The following NCOA7 variants were observed in gnomAD, a reference collection of about 807,000 sequenced individuals.
NCOA7 encodes the protein 140 kDa estrogen receptor-associated protein.
A neutral mutation model predicts 104.3 loss-of-function variants in NCOA7; 45 were observed. The ratio of observed to expected loss-of-function variants is 0.43; its 90% CI spans 0.34 to 0.55. The LOEUF is 0.55. Ranked by LOEUF, NCOA7 falls within the 20% of genes least tolerant of loss-of-function variation. NCOA7 has a pLI of 0.02. For synonymous variants in NCOA7, 398 were observed against 402.3 expected (o/e 0.99, Z 0.13); for missense variants, 1,041 against 1,119.7 (o/e 0.93, Z 1.00).
At chr6:125,840,968 C>T (rs1473072242) in intron 2 of NCOA7, among the ~76,000 whole-genome samples, 5 of 129,166 alleles carry the variant, frequency 3.9e-5, no homozygotes, top group African/African-American at 1.5e-4. Flanking sequence ...ACTTGGCTCA[C>T]TGCAACCTCT....
At chr6:125,793,588 A>T (rs2128544891) in intron 1 of NCOA7, among the ~76,000 whole-genome samples, 1 of 152,288 alleles carries the variant, frequency 6.6e-6, no homozygotes, top group African/African-American at 2.4e-5. Context: ...AAGCACCACC[A>T]GAATGCAATC....
chr6:125,787,212 G>A (rs928354677), upstream of NCOA7, among the ~76,000 whole-genome samples: 1 of 151,898 alleles, frequency 6.6e-6, no homozygotes, highest in East Asian at 1.9e-4. Flanking sequence ...CAATGTTACA[G>A]CAATATTTGC....
intron 2 of NCOA7, among the ~76,000 whole-genome samples, chr6:125,850,982 G>C (rs1781074064): frequency 6.6e-6 from 1 of 152,148 alleles, no homozygotes; most frequent in Admixed American, 6.5e-5. Context: ...TCTGAATTTT[G>C]CTAGAGCAAC....
intron 10 of NCOA7, among the ~76,000 whole-genome samples, chr6:125,893,409 AT>A (rs1784766792): frequency 6.6e-6 from 1 of 152,220 alleles, no homozygotes; most frequent in Non-Finnish European, 1.5e-5. Context: ...TCACAAACAT[AT>A]GTTTCACTGT....
chr6:125,911,782 C>T (rs942618251), intron 10 of NCOA7, among the ~76,000 whole-genome samples: 2 of 152,216 alleles, frequency 1.3e-5, no homozygotes, highest in Admixed American at 6.5e-5. Context: ...TCAAGTGGCT[C>T]ATGGCTCGTA....
At chr6:125,834,170 CAA>C (rs3084297) in intron 2 of NCOA7, among the ~76,000 whole-genome samples, 11,132 of 152,036 alleles carry the variant, frequency 0.073, 465 homozygotes, top group Non-Finnish European at 0.096. Flanking sequence ...TTAATAAAAA[CAA>C]ATATTTGGTT....
At chr6:125,869,763 C>G (rs1782740707) in intron 3 of NCOA7, among the ~76,000 whole-genome samples, 1 of 152,176 alleles carries the variant, frequency 6.6e-6, no homozygotes, top group Admixed American at 6.5e-5. Flanking sequence ...AACCAGGGCT[C>G]AAGGCCCTGC....
At chr6:125,882,635 A>C in intron 7 of NCOA7, 84 bp downstream of exon 7, 2 of 1,502,700 alleles carry the variant, frequency 1.3e-6, no homozygotes, top group Non-Finnish European at 1.8e-6. Context: ...CAGAGGCTAC[A>C]TTAAAAGATC....
chr6:125,826,714 T>C (rs536562280), intron 2 of NCOA7, among the ~76,000 whole-genome samples: 3 of 152,214 alleles, frequency 2.0e-5, no homozygotes, highest in Non-Finnish European at 2.9e-5. Flanking sequence ...GAGAATACTT[T>C]TCACAAATAC....
chr6:125,876,454 T>C (rs1783385480), intron 4 of NCOA7, among the ~76,000 whole-genome samples: 1 of 152,202 alleles, frequency 6.6e-6, no homozygotes, highest in Admixed American at 6.5e-5. Flanking sequence ...CAATTATTTA[T>C]TATTAATAAC....
chr6:125,860,714 A>G lies in NCOA7; in HGVS notation c.271+5474A>G, dbSNP rs143950154. ...TAGAATAGTGAACATCTTTGCTTCT[A>G]AGAATATGGAGATAGAAATGGAAAT... On this transcript the variant is annotated intron_variant, in intron 3 of 15. Transcript: ENST00000392477. Among the ~76,000 whole-genome samples the G allele has an allele frequency of 3.3e-3, 500 of 152,334 alleles. 1 individual carries two copies. The highest frequency in any genetic ancestry group is 0.011 in the African/African-American group (475 of 41,570).
intron 1 of NCOA7, among the ~76,000 whole-genome samples, chr6:125,783,130 T>C (rs1199115940): frequency 6.6e-6 from 1 of 152,236 alleles, no homozygotes; most frequent in African/African-American, 2.4e-5. Context: ...TTTAGCCCAC[T>C]GAGACTTACG....
intron 3 of NCOA7, among the ~76,000 whole-genome samples, chr6:125,856,381 C>T (rs1460861075): frequency 1.3e-5 from 2 of 151,834 alleles, no homozygotes; most frequent in African/African-American, 4.8e-5. Context: ...GAGACAGAGT[C>T]TCGCTCTGTC....
intron 1 of NCOA7, among the ~76,000 whole-genome samples, chr6:125,812,881 C>A (rs961270529): frequency 6.6e-6 from 1 of 152,234 alleles, no homozygotes; most frequent in Non-Finnish European, 1.5e-5. Flanking sequence ...GTTATCTACA[C>A]TGCATGACTC....
At position 125,885,949 on chromosome 6, in the gene NCOA7, G is replaced by C. The variant is rs1784223892; in HGVS notation, c.884+606G>C. On this transcript the variant is annotated intron_variant, in intron 8 of 15. Coordinates refer to ENST00000392477, the MANE Select transcript of NCOA7 (RefSeq NM_181782.5). The stretch of plus-strand genomic sequence containing the variant: ...TGCTGGATTTATTGTAAAAAAGAGA[G>C]GGAAGCTCCCCAGGAAAAAAGAGAA... Among the ~76,000 whole-genome samples the C allele has an allele frequency of 1.3e-5, 2 of 152,020 alleles. 1 individual carries two copies. Among genetic ancestry groups the C allele is most frequent in the South Asian group, 4.1e-4 (2 of 4,826 alleles).
chr6:125,915,610 T>G (rs1414524002), intron 11 of NCOA7, 130 bp downstream of exon 11: 1 of 1,120,308 alleles, frequency 8.9e-7, no homozygotes, highest in Non-Finnish European at 1.3e-6. Context: ...CAGAGGAAAA[T>G]AACTTTATTC....
intron 3 of NCOA7, among the ~76,000 whole-genome samples, chr6:125,869,189 C>T (rs1387941812): frequency 2.0e-5 from 3 of 152,170 alleles, no homozygotes; most frequent in African/African-American, 7.2e-5. Flanking sequence ...GTCCTGAGTT[C>T]ACCCAGTCCC....
chr6:125,794,735 A>G (rs1775142997), intron 1 of NCOA7, among the ~76,000 whole-genome samples: 1 of 152,144 alleles, frequency 6.6e-6, no homozygotes, highest in African/African-American at 2.4e-5. Flanking sequence ...GTTTTACAAA[A>G]CTTTTTTTTA....
At chr6:125,793,814 A>T (rs1430096325) in intron 1 of NCOA7, among the ~76,000 whole-genome samples, 6 of 152,200 alleles carry the variant, frequency 3.9e-5, no homozygotes, top group African/African-American at 1.4e-4. Flanking sequence ...TATGACCTTG[A>T]ATTTCAGATA....
Sources: allele counts gnomAD v4.1 joint callset (sites outside exome capture counted in the v4.1 genomes callset), GRCh38; gene constraint gnomAD v4.1.1; transcripts MANE v1.5; gene names NCBI Gene and HGNC (gene_info 2026-07-23, HGNC 2026-07-21).